The following MAPK9 variants were observed in gnomAD, a reference collection of about 807,000 sequenced individuals.
MAPK9 encodes mitogen-activated protein kinase 9.
In MAPK9, 30 loss-of-function variants were observed where a neutral mutation model predicts 57.1. The observed-to-expected ratio is 0.53, with a 90% CI of 0.39 to 0.71. The LOEUF is 0.71. Among genes scored for constraint, MAPK9 ranks in the 30% least tolerant of loss-of-function variants. The probability of loss-of-function intolerance (pLI) is 0.00; values close to 1 mark genes in which losing one functional copy is unlikely to be tolerated. For missense variants in MAPK9, 362 were observed against 521.0 expected (o/e 0.69, Z 2.97); for synonymous variants, 155 against 177.0 (o/e 0.88, Z 0.99).
intron 7 of MAPK9, among the ~76,000 whole-genome samples, chr5:180,243,916 C>T (rs758379065): frequency 3.9e-5 from 6 of 152,150 alleles, no homozygotes; most frequent in Non-Finnish European, 5.9e-5. Context: ...GGCATGATCT[C>T]GGCTGACTGC....
Position 180,264,837 on chromosome 5 carries a change from T to C in MAPK9, c.255A>G (p.Ile85Met). 1 of 1,542,506 alleles carries C rather than the reference T, an allele frequency of 6.5e-7. No homozygotes were observed. Among genetic ancestry groups the C allele is most frequent in the Non-Finnish European group, 8.8e-7 (1 of 1,139,808 alleles). The change falls in exon 4 of 12, where the codon ATA (isoleucine) becomes ATG (methionine). Residue 85 changes from isoleucine (I) to methionine (M), a missense_variant and splice_region_variant. This residue lies in a region of MAPK9 where 127 missense variants were observed against 231.7 expected (regional missense o/e 0.55). Transcript: ENST00000452135. Reference sequence around the variant, plus strand: ...GTGTAAACACATTTAACAAACTAATTATCTGAAAAGAGAAAATTAATTATA... The same window carrying C: ...GTGTAAACACATTTAACAAACTAATCATCTGAAAAGAGAAAATTAATTATA... ...VLLKCVNHKN[I>M]ISLLNVFTPQ...
At chr5:180,281,024 A>T (rs1315980421) in intron 1 of MAPK9, among the ~76,000 whole-genome samples, 4 of 152,250 alleles carry the variant, frequency 2.6e-5, no homozygotes, top group Non-Finnish European at 5.9e-5. Context: ...CACTTCTAGA[A>T]TGCCTAAAGA....
At chr5:180,255,169 C>G (rs541732327) in intron 5 of MAPK9, among the ~76,000 whole-genome samples, 1 of 152,296 alleles carries the variant, frequency 6.6e-6, no homozygotes, top group African/African-American at 2.4e-5. Context: ...AACCACACTA[C>G]TCATCATGTG....
rs745963572 is a variant in MAPK9, at chr5:180,247,750, A to C, written c.617-240T>G. Reference sequence around the variant, plus strand: ...ATAGCTTAAAACAAACAAACAAACAAACAAAAAACCAGAAACAAGAAGTGC... The same window carrying C: ...ATAGCTTAAAACAAACAAACAAACACACAAAAAACCAGAAACAAGAAGTGC... On this transcript the variant is annotated intron_variant, in intron 6 of 11. Transcript: ENST00000452135. The surrounding 1 kb of genome is among the most constrained non-coding windows in gnomAD (Gnocchi z 4.5). 2.3e-5 allele frequency: 29 copies of C among 1,264,154 alleles called. No individual in the cohort carries two copies. Among genetic ancestry groups the C allele is most frequent in the Non-Finnish European group, 3.0e-5 (26 of 875,840 alleles). The allele number at this position is 1,264,154 out of a possible 1,614,324, so 78.3% of individuals were successfully genotyped here.
At chr5:180,239,539 T>C (rs1757477889) in intron 10 of MAPK9, among the ~76,000 whole-genome samples, 1 of 152,234 alleles carries the variant, frequency 6.6e-6, no homozygotes, top group Non-Finnish European at 1.5e-5. Context: ...ATAGTGGTAA[T>C]AATACCTATT....
At chr5:180,253,963 C>CTTTT (rs5873681) in intron 5 of MAPK9, among the ~76,000 whole-genome samples, 1,293 of 109,270 alleles carry the variant, frequency 0.012, 47 homozygotes, top group Middle Eastern at 0.014. Flanking sequence ...GCTTCAATCT[C>CTTTT]TTTTTTTTTT....
At chr5:180,248,603 A>C (rs1561792970) in intron 6 of MAPK9, among the ~76,000 whole-genome samples, 1 of 152,180 alleles carries the variant, frequency 6.6e-6, no homozygotes, top group Non-Finnish European at 1.5e-5. Context: ...ATGGTACTGG[A>C]GATCAGGAGA....
chr5:180,238,457 G>T (rs1411456855), intron 10 of MAPK9, 54 bp from the exon 11 acceptor site: 6 of 1,256,270 alleles, frequency 4.8e-6, no homozygotes, highest in Non-Finnish European at 7.0e-6. Context: ...CAGTTTCACT[G>T]TATCTCTAAA....
rs1757079903 is a variant in MAPK9, at chr5:180,235,004, C to A, written c.*1380G>T. 6.6e-6 allele frequency: 1 copy of A among 152,200 alleles called. No homozygotes were observed. Among genetic ancestry groups the A allele is most frequent in the South Asian group, 2.1e-4 (1 of 4,830 alleles). The allele number at this position is 152,200 out of a possible 1,614,324, so 9.4% of individuals were successfully genotyped here. A position where few individuals can be genotyped will look rare whatever the true frequency, so the allele number is the denominator to read the frequency against. On this transcript the variant is annotated 3_prime_UTR_variant, in exon 12 of 12. Coordinates refer to ENST00000452135, the MANE Select transcript of MAPK9 (RefSeq NM_002752.5). Reference sequence around the variant, plus strand: ...AAGCTCAAGGGAAGAGACATGGGCACAGGCAGGCAAAACGTGATCACCACA... The same window carrying A: ...AAGCTCAAGGGAAGAGACATGGGCAAAGGCAGGCAAAACGTGATCACCACA...
At chr5:180,254,809 C>A (rs927110069) in intron 5 of MAPK9, among the ~76,000 whole-genome samples, 1 of 152,110 alleles carries the variant, frequency 6.6e-6, no homozygotes, top group Admixed American at 6.5e-5. Context: ...CCGAGGCGGG[C>A]GGATCACGAG....
At chr5:180,249,438 G>A (rs941584177) in intron 5 of MAPK9, among the ~76,000 whole-genome samples, 8 of 152,116 alleles carry the variant, frequency 5.3e-5, no homozygotes, top group East Asian at 1.9e-4. Flanking sequence ...TACACGTCCA[G>A]CACACATGCC....
intron 1 of MAPK9, among the ~76,000 whole-genome samples, chr5:180,286,173 T>C (rs1296936427): frequency 1.6e-5 from 2 of 125,340 alleles, no homozygotes; most frequent in African/African-American, 6.2e-5. Context: ...TGAGACGGAG[T>C]CTCGCTCTGT....
chr5:180,265,394 C>G (rs890738915), intron 3 of MAPK9, among the ~76,000 whole-genome samples: 1 of 152,252 alleles, frequency 6.6e-6, no homozygotes, highest in African/African-American at 2.4e-5. Flanking sequence ...TAGGGAGAGA[C>G]CTGGTGGGAG....
In MAPK9 at chr5:180,292,060, T is replaced by TGCCGCCGCCGCG; in HGVS notation, c.-272_-261dup. 1 of 151,938 alleles carries TGCCGCCGCCGCG rather than the reference T, an allele frequency of 6.6e-6. No homozygotes were observed. The highest frequency in any genetic ancestry group is 1.9e-4 in the East Asian group (1 of 5,138). The allele number at this position is 151,938 out of a possible 1,614,324, so 9.4% of individuals were successfully genotyped here. On this transcript the variant is annotated 5_prime_UTR_variant, in exon 1 of 12. Coordinates refer to ENST00000452135, the MANE Select transcript of MAPK9 (RefSeq NM_002752.5). ...CCGGTCCCGCTCCCTTCTCCGCCGC[T>TGCCGCCGCCGCG]GCCGCCGCCGCGGCGCCCGGTCTGA...
At chr5:180,287,611 C>T (rs927580980) in intron 1 of MAPK9, among the ~76,000 whole-genome samples, 1 of 152,182 alleles carries the variant, frequency 6.6e-6, no homozygotes, top group Non-Finnish European at 1.5e-5. Flanking sequence ...CTACTGCACA[C>T]CTTCAGGCCT....
chr5:180,274,129 C>A (rs1761606997), intron 2 of MAPK9, among the ~76,000 whole-genome samples: 1 of 152,042 alleles, frequency 6.6e-6, no homozygotes, highest in African/African-American at 2.4e-5. Flanking sequence ...ATTTTTTTAG[C>A]TTTTTGTATA....
intron 1 of MAPK9, among the ~76,000 whole-genome samples, chr5:180,282,939 G>A (rs1485426137): frequency 3.3e-5 from 5 of 152,276 alleles, no homozygotes; most frequent in African/African-American, 1.2e-4. Context: ...CATTCGGAAT[G>A]TGACAAGTCA....
In MAPK9 at chr5:180,235,885, C is replaced by T. The variant is rs1304477569; in HGVS notation, c.*499G>A. 1 of 152,620 alleles carries T rather than the reference C, an allele frequency of 6.6e-6. No individual in the cohort carries two copies. The highest frequency in any genetic ancestry group is 2.4e-5 in the African/African-American group (1 of 41,410). 9.5% of individuals were successfully genotyped at this position (152,620 alleles called of 1,614,324 possible). ...CATAAAAGGGAATAAGATATGATAA[C>T]ATCATGATGGCCAATTAATACACAT... On this transcript the variant is annotated 3_prime_UTR_variant, in exon 12 of 12. Transcript: ENST00000452135.
At chr5:180,263,739 T>C (rs530906432) in intron 4 of MAPK9, among the ~76,000 whole-genome samples, 64 of 142,408 alleles carry the variant, frequency 4.5e-4, no homozygotes, top group African/African-American at 1.6e-3. Context: ...AGAGTCTTGC[T>C]CTGTCGCCCT....
Sources: gnomAD v4.1 joint callset for allele counts (sites outside exome capture counted in the v4.1 genomes callset) on GRCh38, gnomAD v4.1.1 for gene constraint, gnomAD v4.1.1 regional missense constraint, Gnocchi (gnomAD v3.1) non-coding constraint, MANE v1.5 for transcripts, NCBI Gene and HGNC (gene_info 2026-07-23, HGNC 2026-07-21) for gene names.